PRDM16: variants seen among roughly 807,000 people sequenced by gnomAD.
PRDM16 encodes the protein histone-lysine N-methyltransferase PRDM16.
A neutral mutation model predicts 110.6 loss-of-function variants in PRDM16; 23 were observed. The ratio of observed to expected loss-of-function variants is 0.21; its 90% CI spans 0.15 to 0.29. The LOEUF (loss-of-function observed/expected upper bound fraction) is 0.29, where lower values mean the gene tolerates loss of function less well. PRDM16 is among the 10% of genes least tolerant of loss of function. The pLI is 1.00. For missense variants in PRDM16, 1,615 were observed against 1,794.3 expected, an observed-to-expected ratio of 0.90 and a Z score of 1.81; for synonymous variants, 799 against 781.8, an observed-to-expected ratio of 1.02 and a Z score of -0.37.
chr1:3,154,652 G>A (rs778743733), intron 1 of PRDM16, among the ~76,000 whole-genome samples: 1 of 152,096 alleles, frequency 6.6e-6, no homozygotes, highest in Non-Finnish European at 1.5e-5. Flanking sequence ...TCACGCAGTC[G>A]GCCGGGCATC....
rs922604326 is a variant in PRDM16 at position 3,080,947 on chromosome 1, G to A, written c.37+11651G>A. Among the ~76,000 whole-genome samples the A allele has an allele frequency of 2.6e-5, 4 of 151,458 alleles. No homozygotes were observed. The highest frequency in any genetic ancestry group is 7.3e-5 in the African/African-American group (3 of 41,166). On this transcript the variant is annotated intron_variant, in intron 1 of 16. Coordinates refer to ENST00000270722, the MANE Select transcript of PRDM16 (RefSeq NM_022114.4). This position sits in a 1 kb window ranked among gnomAD's most constrained non-coding sequence, Gnocchi z 5.2. Reference sequence around the variant, plus strand: ...GCCTGAGAGTGTGTGTGTGTAGAGGGGGTGGCGGGGCGGGGGGGGTCTGCA... The same window carrying A: ...GCCTGAGAGTGTGTGTGTGTAGAGGAGGTGGCGGGGCGGGGGGGGTCTGCA...
chr1:3,362,453 G>A (rs1045946124), intron 3 of PRDM16, among the ~76,000 whole-genome samples: 1 of 152,128 alleles, frequency 6.6e-6, no homozygotes, highest in African/African-American at 2.4e-5. Context: ...GGAGGTGCCC[G>A]GGAGTGGGGC....
At position 3,200,872 on chromosome 1, in the gene PRDM16, G is replaced by A. The variant is rs114869843; in HGVS notation, c.387+14398G>A. Among the ~76,000 whole-genome samples, 669 of 152,088 alleles carry A rather than the reference G, an allele frequency of 4.4e-3. 1 individual carries two copies. Among genetic ancestry groups the A allele is most frequent in the Non-Finnish European group, 7.5e-3 (510 of 68,006 alleles). On this transcript the variant is annotated intron_variant, in intron 2 of 16. Coordinates refer to ENST00000270722, the MANE Select transcript of PRDM16 (RefSeq NM_022114.4). Reference sequence around the variant, plus strand: ...AGCACAGAGCTTCAGACCTGACCACGGGCACAGAAGACGAGGACAAGAGCC... The same window carrying A: ...AGCACAGAGCTTCAGACCTGACCACAGGCACAGAAGACGAGGACAAGAGCC...
At chr1:3,089,680 G>T (rs1404944309) in intron 1 of PRDM16, among the ~76,000 whole-genome samples, 1 of 152,238 alleles carries the variant, frequency 6.6e-6, no homozygotes, top group Non-Finnish European at 1.5e-5. Flanking sequence ...GAAGCGCAGG[G>T]AGCCTCTGGT....
intron 2 of PRDM16, among the ~76,000 whole-genome samples, chr1:3,224,074 C>T (rs949634107): frequency 5.9e-5 from 9 of 152,146 alleles, no homozygotes; most frequent in Admixed American, 3.3e-4. Context: ...ATACATCAGC[C>T]GGCTCTGCCC....
At chr1:3,141,243 T>A (rs1281031231) in intron 1 of PRDM16, among the ~76,000 whole-genome samples, 1 of 152,264 alleles carries the variant, frequency 6.6e-6, no homozygotes, top group African/African-American at 2.4e-5. Context: ...TTTCTCCTTC[T>A]GCCGTGATGA....
intron 3 of PRDM16, among the ~76,000 whole-genome samples, chr1:3,298,097 A>G (rs1397511973): frequency 4.6e-5 from 7 of 152,266 alleles, no homozygotes; most frequent in Admixed American, 1.3e-4. Flanking sequence ...AGTGTGGGCC[A>G]TGCACTAGAG....
At position 3,405,819 on chromosome 1, in the gene PRDM16, G is replaced by A. The variant is rs79350670; in HGVS notation, c.1186+171G>A. ...TCTGCCGCGTGCAGCCTGGTCCCCGGCAGGCACCCTCTGAGTTTGTCCCTC... is the reference window on the plus strand; with the variant it reads ...TCTGCCGCGTGCAGCCTGGTCCCCGACAGGCACCCTCTGAGTTTGTCCCTC... On this transcript the variant is annotated intron_variant, in intron 8 of 16. Coordinates refer to ENST00000270722, the MANE Select transcript of PRDM16 (RefSeq NM_022114.4). Among the ~76,000 whole-genome samples, 7,037 of 152,286 alleles carry A rather than the reference G, an allele frequency of 0.046. 556 individuals are homozygous for A. The highest frequency in any genetic ancestry group is 0.16 in the African/African-American group (6,615 of 41,548).
intron 3 of PRDM16, among the ~76,000 whole-genome samples, chr1:3,363,383 C>T (rs1010554165): frequency 2.0e-5 from 3 of 152,272 alleles, no homozygotes; most frequent in South Asian, 4.1e-4. Context: ...TATTCTTCTC[C>T]GGGAATTTCC....
chr1:3,369,533 A>G (rs991307264), intron 3 of PRDM16, among the ~76,000 whole-genome samples: 18 of 152,236 alleles, frequency 1.2e-4, no homozygotes. Context: ...GCTGGGTATG[A>G]GGAGAAAGGA....
At chr1:3,107,990 C>T (rs1425188778) in intron 1 of PRDM16, among the ~76,000 whole-genome samples, 1 of 152,272 alleles carries the variant, frequency 6.6e-6, no homozygotes, top group African/African-American at 2.4e-5. Flanking sequence ...GGCACTGCCA[C>T]AGTGGCTGGT....
intron 2 of PRDM16, among the ~76,000 whole-genome samples, chr1:3,222,264 G>A (rs1010427486): frequency 1.4e-5 from 2 of 147,790 alleles, no homozygotes; most frequent in African/African-American, 2.5e-5. Context: ...AGCTGGTGAC[G>A]ACAGATGTAA....
intron 1 of PRDM16, among the ~76,000 whole-genome samples, chr1:3,097,124 G>A (rs929780233): frequency 3.0e-4 from 46 of 152,158 alleles, no homozygotes; most frequent in African/African-American, 9.4e-4. Context: ...GCGGTGCCGA[G>A]AAGTTGCCCT....
intron 1 of PRDM16, among the ~76,000 whole-genome samples, chr1:3,075,992 C>T (rs1641889660): frequency 6.6e-6 from 1 of 152,180 alleles, no homozygotes; most frequent in Admixed American, 6.5e-5. Flanking sequence ...GAGCCAAGCC[C>T]CCCACGCGTG....
intron 3 of PRDM16, among the ~76,000 whole-genome samples, chr1:3,335,728 C>A (rs1401707167): frequency 3.3e-5 from 5 of 152,290 alleles, no homozygotes; most frequent in African/African-American, 1.2e-4. Context: ...TTCTTTCTGG[C>A]ATCCTGGTGG....
intron 1 of PRDM16, among the ~76,000 whole-genome samples, chr1:3,113,534 GC>G (rs1448754991): frequency 6.6e-6 from 1 of 152,178 alleles, no homozygotes; most frequent in Non-Finnish European, 1.5e-5. Flanking sequence ...TATGACCAAG[GC>G]CGAGGCCTGA....
chr1:3,379,156 C>A (rs1167592098), intron 3 of PRDM16, among the ~76,000 whole-genome samples: 2 of 124,292 alleles, frequency 1.6e-5, no homozygotes, highest in Non-Finnish European at 3.5e-5. Context: ...GCACACCCCT[C>A]CCAGCACACC....
chr1:3,281,235 G>A (rs1247778317), intron 3 of PRDM16, among the ~76,000 whole-genome samples: 1 of 152,172 alleles, frequency 6.6e-6, no homozygotes, highest in Admixed American at 6.5e-5. Context: ...ACCTGAGAAC[G>A]CAGCTGTGGG....
chr1:3,285,009 C>T (rs1047805312), intron 3 of PRDM16, among the ~76,000 whole-genome samples: 2 of 152,180 alleles, frequency 1.3e-5, no homozygotes, highest in African/African-American at 4.8e-5. Flanking sequence ...TTTCTCTGGC[C>T]GGTATAGCCC....
Sources: allele counts gnomAD v4.1 joint callset (sites outside exome capture counted in the v4.1 genomes callset), GRCh38; gene constraint gnomAD v4.1.1; non-coding constraint Gnocchi (gnomAD v3.1); transcripts MANE v1.5; gene names NCBI Gene and HGNC (gene_info 2026-07-23, HGNC 2026-07-21).